Variants in LRRIQ3 observed in about 807,000 individuals in gnomAD.
The protein encoded by LRRIQ3 is leucine rich repeats and IQ motif containing 3, also known as leucine-rich repeat and IQ domain-containing protein 3.
LRRIQ3 carries 75 observed loss-of-function variants against 59.3 expected under a neutral mutation model. That is an observed-to-expected ratio of 1.26 (90% CI 1.05 to 1.53). LRRIQ3 has a LOEUF of 1.53. Ranked by LOEUF, LRRIQ3 falls within the 40% of genes most tolerant of loss-of-function variation. LRRIQ3 has a pLI of 0.00. For missense variants in LRRIQ3, 831 were observed against 710.0 expected (o/e 1.17, Z -1.94); for synonymous variants, 250 against 231.3 (o/e 1.08, Z -0.73).
chr1:74,165,017 T>C (rs1454492936), intron 3 of LRRIQ3, among the ~76,000 whole-genome samples: 1 of 151,604 alleles, frequency 6.6e-6, no homozygotes, highest in Non-Finnish European at 1.5e-5. Flanking sequence ...GTTCTATTGA[T>C]CTATGTGCCC....
At chr1:74,030,150 G>A (rs1424288948) in intron 7 of LRRIQ3, among the ~76,000 whole-genome samples, 2 of 152,066 alleles carry the variant, frequency 1.3e-5, no homozygotes, top group Non-Finnish European at 2.9e-5. Context: ...ACTATTCCAT[G>A]CTCATGGATA....
At chr1:74,099,600 C>CA (rs1291154951) in intron 5 of LRRIQ3, among the ~76,000 whole-genome samples, 5 of 151,894 alleles carry the variant, frequency 3.3e-5, no homozygotes, top group African/African-American at 4.8e-5. Context: ...AGAGACACAA[C>CA]AAAAAAAGAG....
Position 74,182,622 on chromosome 1 carries a change from T to C in LRRIQ3, c.489A>G (p.Glu163=). The C allele has an allele frequency of 1.9e-6, 3 of 1,609,962 alleles. No individual in the cohort carries two copies. The highest frequency in any genetic ancestry group is 2.5e-6 in the Non-Finnish European group (3 of 1,177,616). The change falls in exon 3 of 8, where the codon GAA becomes GAG. Residue 163 remains glutamate, a synonymous_variant. Transcript: ENST00000354431. Reference sequence around the variant, plus strand: ...CAGGAAGATGCCAGTTCTGAATTATTTCTTCATCAGAAATCACATGATGAT... The same window carrying C: ...CAGGAAGATGCCAGTTCTGAATTATCTCTTCATCAGAAATCACATGATGAT... The part of the protein sequence containing the change: ...ALDHHVISDE[E]IIQNWHLPER...
chr1:74,096,551 T>G (rs1646451763), intron 5 of LRRIQ3, among the ~76,000 whole-genome samples: 1 of 152,168 alleles, frequency 6.6e-6, no homozygotes, highest in South Asian at 2.1e-4. Context: ...CGCAACTCGT[T>G]AAAGTCATTC....
intron 1 of LRRIQ3, among the ~76,000 whole-genome samples, chr1:74,190,514 T>A (rs1323796435): frequency 1.3e-5 from 2 of 150,778 alleles, no homozygotes; most frequent in African/African-American, 4.9e-5. Context: ...ATTCCAGAAG[T>A]GTGGGACTTC....
At chr1:74,037,441 C>G (rs1456203790) in intron 7 of LRRIQ3, among the ~76,000 whole-genome samples, 1 of 152,086 alleles carries the variant, frequency 6.6e-6, no homozygotes, top group Non-Finnish European at 1.5e-5. Context: ...AGCTGGAGAC[C>G]AGTCTGGCCA....
At chr1:74,096,286 A>C (rs1646448115) in intron 5 of LRRIQ3, among the ~76,000 whole-genome samples, 1 of 152,154 alleles carries the variant, frequency 6.6e-6, no homozygotes, top group Non-Finnish European at 1.5e-5. Flanking sequence ...ATACTGTTTT[A>C]GTATTATTAT....
chr1:74,155,883 T>C lies in LRRIQ3; in HGVS notation c.574-17A>G. 1 of 1,200,798 alleles carries C rather than the reference T, an allele frequency of 8.3e-7. No homozygotes were observed. The highest frequency in any genetic ancestry group is 1.1e-6 in the Non-Finnish European group (1 of 889,650). 74.4% of individuals were successfully genotyped at this position (1,200,798 alleles called of 1,614,324 possible). A position where few individuals can be genotyped will look rare whatever the true frequency, so the allele number is the denominator to read the frequency against. ...GGTTGTTCCCTGTATAAAGAAAATA[T>C]AATTAATAATTTTTATCTTTCATGA... On this transcript the variant is annotated splice_polypyrimidine_tract_variant and intron_variant, in intron 3 of 7. Transcript: ENST00000354431.
intron 3 of LRRIQ3, among the ~76,000 whole-genome samples, chr1:74,168,574 T>C (rs536258066): frequency 6.6e-6 from 1 of 152,242 alleles, no homozygotes; most frequent in African/African-American, 2.4e-5. Flanking sequence ...TTAGACCATT[T>C]ACTGTAAATT....
intron 3 of LRRIQ3, among the ~76,000 whole-genome samples, chr1:74,172,271 T>A (rs1053631734): frequency 6.6e-6 from 1 of 152,196 alleles, no homozygotes; most frequent in Admixed American, 6.5e-5. Flanking sequence ...CTATAAGTTT[T>A]GGTAGGTTGT....
At chr1:74,048,786 T>C (rs917463714) in intron 6 of LRRIQ3, among the ~76,000 whole-genome samples, 2 of 152,174 alleles carry the variant, frequency 1.3e-5, no homozygotes, top group African/African-American at 2.4e-5. Context: ...AATAATAATA[T>C]AATGTGTGAA....
intron 6 of LRRIQ3, among the ~76,000 whole-genome samples, chr1:74,056,744 G>A (rs572400906): frequency 2.1e-4 from 32 of 152,262 alleles, no homozygotes; most frequent in Middle Eastern, 3.4e-3. Flanking sequence ...ACTATCCTGT[G>A]TTCATGGATT....
chr1:74,037,830 C>T (rs1401128111), intron 7 of LRRIQ3, among the ~76,000 whole-genome samples: 2 of 152,116 alleles, frequency 1.3e-5, no homozygotes, highest in Non-Finnish European at 2.9e-5. Flanking sequence ...GGAAACCGTG[C>T]TTTTTCCATG....
chr1:74,104,037 A>G (rs1321908884), intron 5 of LRRIQ3, among the ~76,000 whole-genome samples: 1 of 152,022 alleles, frequency 6.6e-6, no homozygotes, highest in Non-Finnish European at 1.5e-5. Context: ...GTGACAAATT[A>G]TCTCATCTTT....
intron 5 of LRRIQ3, among the ~76,000 whole-genome samples, chr1:74,092,377 A>G (rs1047563958): frequency 2.6e-5 from 4 of 152,138 alleles, no homozygotes; most frequent in Non-Finnish European, 5.9e-5. Context: ...GCAATATGGT[A>G]GCTGGAAGTG....
In LRRIQ3 at chr1:74,043,266, C is replaced by G. The variant is rs576680572; in HGVS notation, c.998-1333G>C. Among the ~76,000 whole-genome samples the G allele has an allele frequency of 2.6e-5, 4 of 152,160 alleles. No homozygotes were observed. In the South Asian group the frequency reaches 8.3e-4, roughly 32 times the overall value. ...AAATTACATTCCTGCTAACTCTAGT[C>G]TACAAGGGTTTGATCTTCCTTAGAA... On this transcript the variant is annotated intron_variant, in intron 6 of 7. Transcript: ENST00000354431.
At chr1:74,195,448 T>C (rs1013763579) in intron 1 of LRRIQ3, among the ~76,000 whole-genome samples, 1 of 152,198 alleles carries the variant, frequency 6.6e-6, no homozygotes, top group Admixed American at 6.5e-5. Context: ...GTTATATGCC[T>C]GTAGTAATAA....
At chr1:74,127,666 T>G (rs914638428) in intron 4 of LRRIQ3, among the ~76,000 whole-genome samples, 1 of 151,970 alleles carries the variant, frequency 6.6e-6, no homozygotes, top group Non-Finnish European at 1.5e-5. Flanking sequence ...CATCTTAGTA[T>G]GCTGTCTATG....
intron 7 of LRRIQ3, among the ~76,000 whole-genome samples, chr1:74,037,642 AAAC>A (rs1362534331): frequency 6.6e-6 from 1 of 152,138 alleles, no homozygotes; most frequent in Non-Finnish European, 1.5e-5. Context: ...AAACAAAACA[AAAC>A]AAAAAACAAA....
Sources: allele counts gnomAD v4.1 joint callset (sites outside exome capture counted in the v4.1 genomes callset), GRCh38; gene constraint gnomAD v4.1.1; transcripts MANE v1.5; gene names NCBI Gene and HGNC (gene_info 2026-07-23, HGNC 2026-07-21).